TEKT5: variants seen among roughly 807,000 people sequenced by gnomAD.
TEKT5 encodes the protein tektin 5, also known as tektin-5.
Under a neutral mutation model 48.7 loss-of-function variants are expected in TEKT5, and 52 were observed. The ratio of observed to expected loss-of-function variants is 1.07; its 90% CI spans 0.86 to 1.35. TEKT5 has a LOEUF of 1.35. Among genes scored for constraint, TEKT5 ranks in the 40% most tolerant of loss-of-function variants. The pLI is 0.00. For missense variants in TEKT5, 831 were observed against 641.6 expected, an observed-to-expected ratio of 1.30 and a Z score of -3.19; for synonymous variants, 318 against 267.6, an observed-to-expected ratio of 1.19 and a Z score of -1.84.
rs181724964 is a variant in TEKT5, at chr16:10,628,464, C to A, written c.1242-665G>T. On this transcript the variant is annotated intron_variant, in intron 6 of 6. Coordinates refer to ENST00000283025, the MANE Select transcript of TEKT5 (RefSeq NM_144674.2). ...AAGAACAGAAAACAGGCGTTCAAACCAAAATATGTACATGAATGTTCACGG... is the reference window on the plus strand; with the variant it reads ...AAGAACAGAAAACAGGCGTTCAAACAAAAATATGTACATGAATGTTCACGG... Among the ~76,000 whole-genome samples, 1,274 of 152,250 alleles carry A rather than the reference C, an allele frequency of 8.4e-3. 13 individuals carry two copies. The highest frequency in any genetic ancestry group is 0.014 in the Non-Finnish European group (924 of 68,024).
chr16:10,689,690 T>C (rs557577565), intron 2 of TEKT5, among the ~76,000 whole-genome samples: 2 of 152,292 alleles, frequency 1.3e-5, no homozygotes, highest in East Asian at 3.9e-4. Flanking sequence ...CAATAAACGC[T>C]AGCTTTTATT....
At chr16:10,656,408 C>T (rs1898263378) in intron 5 of TEKT5, among the ~76,000 whole-genome samples, 2 of 152,054 alleles carry the variant, frequency 1.3e-5, no homozygotes, top group Admixed American at 1.3e-4. Flanking sequence ...TGTGCCACCA[C>T]ACCCAGCTAA....
chr16:10,675,886 A>G, intron 5 of TEKT5, 73 bp downstream of exon 5: 2 of 1,504,374 alleles, frequency 1.3e-6, no homozygotes, highest in Non-Finnish European at 1.8e-6. Flanking sequence ...CTTGGCCCAG[A>G]TAACACTCAG....
chr16:10,691,224 G>T (rs565497657), intron 1 of TEKT5: 2 of 152,276 alleles, frequency 1.3e-5, no homozygotes, highest in Non-Finnish European at 2.9e-5. Context: ...AGCTCCTCAG[G>T]AGGCTGAGGT....
intron 1 of TEKT5, among the ~76,000 whole-genome samples, chr16:10,693,806 C>T (rs995406566): frequency 3.9e-5 from 6 of 152,100 alleles, no homozygotes; most frequent in African/African-American, 1.4e-4. Flanking sequence ...CCTGTCTTCA[C>T]TAAAAATACA....
chr16:10,660,902 T>C (rs1234092357), intron 5 of TEKT5, among the ~76,000 whole-genome samples: 1 of 152,158 alleles, frequency 6.6e-6, no homozygotes, highest in Non-Finnish European at 1.5e-5. Flanking sequence ...GGTTTCGCCA[T>C]GTTGGCCAGG....
chr16:10,694,869 T>C lies in TEKT5; in HGVS notation c.5A>G (p.Glu2Gly), dbSNP rs148973444. Residue 2 changes from glutamate (E) to glycine (G), a missense_variant, in exon 1 of 7, where the codon GAG becomes GGG. Glu to Gly is a moderately conservative substitution (Grantham distance 98). Coordinates refer to ENST00000283025, the MANE Select transcript of TEKT5 (RefSeq NM_144674.2). ...GGCGGTCTGAGTAGTCCCAAGAAACTCCATCCTCCCTCATGAGCCCCACTC... is the reference window on the plus strand; with the variant it reads ...GGCGGTCTGAGTAGTCCCAAGAAACCCCATCCTCCCTCATGAGCCCCACTC... M[E>G]FLGTTQTASY... The C allele has an allele frequency of 1.5e-4, 235 of 1,546,464 alleles. No homozygotes were observed. The highest frequency in any genetic ancestry group is 1.6e-4 in the Non-Finnish European group (180 of 1,150,294).
chr16:10,681,879 T>C (rs1898759428), intron 4 of TEKT5, 114 bp downstream of exon 4: 11 of 1,386,474 alleles, frequency 7.9e-6, no homozygotes, highest in Non-Finnish European at 1.0e-6. Context: ...CGTTCAACCA[T>C]GCCACTTCCC....
chr16:10,676,213 C>A (rs1898644585), intron 4 of TEKT5, 32 bp from the exon 5 acceptor site: 2 of 1,606,308 alleles, frequency 1.2e-6, no homozygotes. Context: ...TTGCAGCAGT[C>A]CTGGAAGACC....
rs115516730 is a variant in TEKT5 at position 10,635,681 on chromosome 16, C to A, written c.1241+83G>T. On this transcript the variant is annotated intron_variant, in intron 6 of 6. Coordinates refer to ENST00000283025, the MANE Select transcript of TEKT5 (RefSeq NM_144674.2). Reference sequence around the variant, plus strand: ...GAGGGTCCATTTTTCAGACCCAGTGCACCTAGAAGCTCCTGAGACTCACCC... The same window carrying A: ...GAGGGTCCATTTTTCAGACCCAGTGAACCTAGAAGCTCCTGAGACTCACCC... 518 of 1,539,806 alleles carry A rather than the reference C, an allele frequency of 3.4e-4. 6 individuals are homozygous for A. The African/African-American group carries it at 5.5e-3, about 16-fold the overall frequency.
intron 4 of TEKT5, among the ~76,000 whole-genome samples, chr16:10,677,822 A>G (rs1240784626): frequency 2.1e-5 from 3 of 140,534 alleles, no homozygotes; most frequent in South Asian, 2.2e-4. Flanking sequence ...CCAGGCTGAA[A>G]CCATCTGGAA....
chr16:10,678,967 A>T (rs2719715), intron 4 of TEKT5, among the ~76,000 whole-genome samples: 39,137 of 152,078 alleles, frequency 0.26, 6,068 homozygotes, highest in African/African-American at 0.44. Flanking sequence ...GGAAGGCACC[A>T]TTGGTAAAAC....
chr16:10,660,898 G>A (rs552556770), intron 5 of TEKT5, among the ~76,000 whole-genome samples: 6 of 152,070 alleles, frequency 3.9e-5, no homozygotes, highest in African/African-American at 7.2e-5. Flanking sequence ...ATGTGGTTTC[G>A]CCATGTTGGC....
Position 10,676,197 on chromosome 16 carries a change from G to T in TEKT5, c.864-16C>A, listed in dbSNP as rs769696344. The T allele has an allele frequency of 5.0e-6, 8 of 1,613,424 alleles. No homozygotes were observed. Among genetic ancestry groups the T allele is most frequent in the African/African-American group, 1.3e-5 (1 of 74,920 alleles). On this transcript the variant is annotated splice_polypyrimidine_tract_variant and intron_variant, in intron 4 of 6. Transcript: ENST00000283025. ...TACGGAGATCCTGCAAAGGCACAAG[G>T]GTGAGTTGCAGCAGTCCTGGAAGAC...
chr16:10,661,192 G>A (rs1033982899), intron 5 of TEKT5, among the ~76,000 whole-genome samples: 2 of 152,216 alleles, frequency 1.3e-5, no homozygotes, highest in East Asian at 1.9e-4. Context: ...GAGGGGCGGG[G>A]ATTTGGCCCT....
At chr16:10,666,592 T>C (rs1898461108) in intron 5 of TEKT5, among the ~76,000 whole-genome samples, 1 of 152,192 alleles carries the variant, frequency 6.6e-6, no homozygotes, top group East Asian at 1.9e-4. Context: ...AGTGAAGAAT[T>C]ACTCAGGCCA....
intron 5 of TEKT5, among the ~76,000 whole-genome samples, chr16:10,652,942 T>A (rs375591531): frequency 9.3e-6 from 1 of 107,950 alleles, no homozygotes; most frequent in Non-Finnish European, 1.8e-5. Flanking sequence ...CCTCTCCAGG[T>A]CAGGTAGAAC....
chr16:10,635,978 G>A (rs1897907689), intron 5 of TEKT5, 60 bp from the exon 6 acceptor site: 2 of 1,587,762 alleles, frequency 1.3e-6, no homozygotes, highest in Non-Finnish European at 1.7e-6. Context: ...CTCTGACTGG[G>A]GGCCTGGGGG....
chr16:10,651,876 C>G (rs147156374), intron 5 of TEKT5, among the ~76,000 whole-genome samples: 174 of 152,262 alleles, frequency 1.1e-3, no homozygotes, highest in African/African-American at 4.1e-3. Context: ...GCAGAAGAAT[C>G]ACTTGAACCC....
Sources: allele counts gnomAD v4.1 joint callset (sites outside exome capture counted in the v4.1 genomes callset), GRCh38; gene constraint gnomAD v4.1.1; transcripts MANE v1.5; gene names NCBI Gene and HGNC (gene_info 2026-07-23, HGNC 2026-07-21).